Variants in TENM3 observed in about 807,000 individuals in gnomAD.
TENM3 encodes teneurin-3.
TENM3 carries 63 observed loss-of-function variants against 255.1 expected under a neutral mutation model. The ratio of observed to expected loss-of-function variants is 0.25; its 90% CI spans 0.20 to 0.30. The LOEUF (loss-of-function observed/expected upper bound fraction) is 0.30. Among genes scored for constraint, TENM3 ranks in the 10% least tolerant of loss-of-function variants. The pLI is 1.00. For missense variants in TENM3, 2,929 were observed against 3,461.1 expected (o/e 0.85, Z 3.86); for synonymous variants, 1,306 against 1,322.3 (o/e 0.99, Z 0.27).
chr4:181,537,863 C>T, the TENM3 span, among the ~76,000 whole-genome samples: 1 of 152,158 alleles, frequency 6.6e-6, no homozygotes, highest in Non-Finnish European at 1.5e-5. Flanking sequence ...ATTAATTTAC[C>T]AACAGTAACA....
At chr4:182,716,439 C>G (rs1199055047) in intron 13 of TENM3, among the ~76,000 whole-genome samples, 3 of 152,140 alleles carry the variant, frequency 2.0e-5, no homozygotes, top group Non-Finnish European at 4.4e-5. Flanking sequence ...GCTCCCCTCT[C>G]GGAGGGGAAA....
intron 22 of TENM3, among the ~76,000 whole-genome samples, chr4:182,755,784 G>C (rs1243257988): frequency 6.6e-6 from 1 of 152,044 alleles, no homozygotes; most frequent in East Asian, 1.9e-4. Context: ...AGCTTGCAGT[G>C]AGCCGAGATC....
At chr4:181,878,342 G>A in the TENM3 span, among the ~76,000 whole-genome samples, 2 of 152,028 alleles carry the variant, frequency 1.3e-5, no homozygotes, top group East Asian at 1.9e-4. Context: ...GAAAAGGAAG[G>A]GAGGAGAGAA....
At chr4:182,730,153 G>T in intron 14 of TENM3, 47 bp from the exon 15 acceptor site, 1 of 1,609,696 alleles carries the variant, frequency 6.2e-7, no homozygotes, top group East Asian at 2.2e-5. Context: ...GATAATGTTG[G>T]CCTGAAAAGA....
At chr4:182,255,174 C>T (rs1430625924) in intron 1 of TENM3, among the ~76,000 whole-genome samples, 2 of 152,008 alleles carry the variant, frequency 1.3e-5, no homozygotes, top group African/African-American at 2.4e-5. Context: ...CCTGTGGGAC[C>T]CTGTTGCCTT....
intron 3 of TENM3, among the ~76,000 whole-genome samples, chr4:182,471,750 G>T (rs10015290): frequency 0.46 from 69,529 of 151,778 alleles, 16,965 homozygotes; most frequent in East Asian, 0.76. Context: ...GAAATAATCC[G>T]AGGTGAATAG....
At chr4:182,663,458 G>A (rs781113379) in intron 6 of TENM3, among the ~76,000 whole-genome samples, 2 of 152,082 alleles carry the variant, frequency 1.3e-5, no homozygotes, top group South Asian at 4.1e-4. Context: ...AAGTGAAAAT[G>A]TATTGAAATA....
intron 3 of TENM3, among the ~76,000 whole-genome samples, chr4:182,359,348 C>G (rs1237887341): frequency 6.6e-6 from 1 of 151,710 alleles, no homozygotes; most frequent in African/African-American, 2.4e-5. Flanking sequence ...CCATCTGGTC[C>G]TGGACTCTTT....
At chr4:181,830,538 G>C in the TENM3 span, among the ~76,000 whole-genome samples, 2 of 152,148 alleles carry the variant, frequency 1.3e-5, no homozygotes, top group East Asian at 3.9e-4. Flanking sequence ...CTCCCAAGGT[G>C]CTGAGAGTAC....
chr4:182,075,288 T>C, the TENM3 span, among the ~76,000 whole-genome samples: 5 of 149,874 alleles, frequency 3.3e-5, no homozygotes, highest in African/African-American at 1.2e-4. Flanking sequence ...AACCTCTGCC[T>C]CCTGGGTTCA....
the TENM3 span, among the ~76,000 whole-genome samples, chr4:181,844,605 T>C: frequency 1.3e-5 from 2 of 151,684 alleles, no homozygotes; most frequent in East Asian, 1.9e-4. Flanking sequence ...GAGGCGGAGC[T>C]TGCAGTGAGC....
chr4:182,278,889 T>A (rs554236193), intron 1 of TENM3, among the ~76,000 whole-genome samples: 1 of 152,302 alleles, frequency 6.6e-6, no homozygotes, highest in South Asian at 2.1e-4. Flanking sequence ...CTCCATGTTT[T>A]GTGCTGAAAC....
the TENM3 span, among the ~76,000 whole-genome samples, chr4:181,915,939 G>C: frequency 6.6e-6 from 1 of 152,170 alleles, no homozygotes; most frequent in East Asian, 1.9e-4. Flanking sequence ...TACAGGCAGT[G>C]TGATTTTACA....
At chr4:182,544,804 G>T (rs1741265302) in intron 3 of TENM3, among the ~76,000 whole-genome samples, 1 of 152,164 alleles carries the variant, frequency 6.6e-6, no homozygotes, top group Non-Finnish European at 1.5e-5. Flanking sequence ...GGGACTTGGA[G>T]TCAAATATAT....
chr4:181,727,302 G>T, the TENM3 span, among the ~76,000 whole-genome samples: 1 of 152,122 alleles, frequency 6.6e-6, no homozygotes. Context: ...ATTAACATAG[G>T]CTCAGGTGTG....
At chr4:181,816,428 T>TA in the TENM3 span, among the ~76,000 whole-genome samples, 1 of 152,210 alleles carries the variant, frequency 6.6e-6, no homozygotes, top group Admixed American at 6.5e-5. Flanking sequence ...GTAATTTACT[T>TA]AGGCTCCCTG....
intron 3 of TENM3, among the ~76,000 whole-genome samples, chr4:182,557,117 A>G (rs141169760): frequency 5.8e-4 from 89 of 152,326 alleles, no homozygotes; most frequent in African/African-American, 1.9e-3. Context: ...GGAGAACTTT[A>G]AAACAAAATT....
chr4:182,513,335 A>G (rs1017483413), intron 3 of TENM3, among the ~76,000 whole-genome samples: 8 of 152,216 alleles, frequency 5.3e-5, no homozygotes, highest in Non-Finnish European at 5.9e-5. Flanking sequence ...AATTAAATGT[A>G]TACTCAGTAA....
At chr4:182,169,839 G>T (rs1477732377) in intron 1 of TENM3, among the ~76,000 whole-genome samples, 1 of 151,766 alleles carries the variant, frequency 6.6e-6, no homozygotes, top group African/African-American at 2.4e-5. Flanking sequence ...AAGCTTCTGT[G>T]GTGGGAATGA....
Sources: allele counts gnomAD v4.1 joint callset (sites outside exome capture counted in the v4.1 genomes callset), GRCh38; gene constraint gnomAD v4.1.1; transcripts MANE v1.5; gene names NCBI Gene and HGNC (gene_info 2026-07-23, HGNC 2026-07-21).